The following CCBE1 variants were observed in gnomAD, a reference collection of about 807,000 sequenced individuals.
The protein encoded by CCBE1 is collagen and calcium binding EGF domains 1, also known as collagen and calcium-binding EGF domain-containing protein 1.
In CCBE1, 37 loss-of-function variants were observed where a neutral mutation model predicts 50.0. That is an observed-to-expected ratio of 0.74 (90% CI 0.57 to 0.97). The LOEUF (loss-of-function observed/expected upper bound fraction) is 0.97. CCBE1 is among the 50% of genes least tolerant of loss of function. CCBE1 has a pLI of 0.00. For missense variants in CCBE1, 538 were observed against 523.8 expected (o/e 1.03, Z -0.26); for synonymous variants, 234 against 203.7 (o/e 1.15, Z -1.27).
rs1481468013 is a variant in CCBE1 at position 59,552,457 on chromosome 18, C to G, written c.213-72219G>C. ...TCCAGCTTTTGTCAAGATTATATGT[C>G]TTAACAAAGACTTTCCTCCCACTAG... On this transcript the variant is annotated intron_variant, in intron 2 of 10. Transcript: ENST00000439986. Among the ~76,000 whole-genome samples, 3 of 152,170 alleles carry G rather than the reference C, an allele frequency of 2.0e-5. No homozygotes were observed. The South Asian group carries it at 6.2e-4, about 31-fold the overall frequency.
chr18:59,600,390 A>G (rs1270037522), intron 2 of CCBE1, among the ~76,000 whole-genome samples: 3 of 152,130 alleles, frequency 2.0e-5, no homozygotes, highest in Admixed American at 1.3e-4. Flanking sequence ...ATGATTCTAC[A>G]TTATGGTGAG....
intron 2 of CCBE1, among the ~76,000 whole-genome samples, chr18:59,579,322 A>T (rs1330051423): frequency 6.6e-6 from 1 of 152,138 alleles, no homozygotes; most frequent in African/African-American, 2.4e-5. Flanking sequence ...CAGGACGTGG[A>T]TCATGCACCT....
Position 59,693,003 on chromosome 18 carries a change from C to CAAAA in CCBE1, c.212+3625_212+3626insTTTT, listed in dbSNP as rs1555710565. On this transcript the variant is annotated intron_variant, in intron 2 of 10. Coordinates refer to ENST00000439986, the MANE Select transcript of CCBE1 (RefSeq NM_133459.4). ...ACACACACACACACACACACACACA[C>CAAAA]AAACAAAAAACGCAAAGCCAAACCT... 5.1e-4 allele frequency among the ~76,000 whole-genome samples: 75 copies of CAAAA among 146,076 alleles called. 1 individual carries two copies. Among genetic ancestry groups the CAAAA allele is most frequent in the African/African-American group, 1.8e-3 (70 of 38,678 alleles).
chr18:59,573,406 G>C (rs2052947525), intron 2 of CCBE1, among the ~76,000 whole-genome samples: 1 of 150,864 alleles, frequency 6.6e-6, no homozygotes, highest in Admixed American at 6.6e-5. Context: ...CACAAAATCT[G>C]CCTGTGTTTC....
chr18:59,643,077 A>G (rs4599010), intron 2 of CCBE1, among the ~76,000 whole-genome samples: 68,690 of 151,936 alleles, frequency 0.45, 17,192 homozygotes, highest in Non-Finnish European at 0.56. Flanking sequence ...TGGATGGCTG[A>G]GTGGATGGTA....
chr18:59,451,385 A>G (rs1369516518), intron 6 of CCBE1, among the ~76,000 whole-genome samples: 2 of 144,864 alleles, frequency 1.4e-5, no homozygotes, highest in East Asian at 4.1e-4. Context: ...CTCTGCAGCA[A>G]TTTCACTCTC....
At chr18:59,619,789 T>C (rs1016668168) in intron 2 of CCBE1, among the ~76,000 whole-genome samples, 4 of 152,204 alleles carry the variant, frequency 2.6e-5, no homozygotes, top group African/African-American at 9.7e-5. Flanking sequence ...TTTTTTAAAC[T>C]CCTCTTGTTT....
intron 2 of CCBE1, among the ~76,000 whole-genome samples, chr18:59,593,516 C>G (rs906613167): frequency 2.0e-5 from 3 of 152,226 alleles, no homozygotes; most frequent in Non-Finnish European, 4.4e-5. Flanking sequence ...TCTCCATTGC[C>G]ATCCTCCTTC....
chr18:59,555,954 C>T (rs2052650792), intron 2 of CCBE1, among the ~76,000 whole-genome samples: 1 of 152,212 alleles, frequency 6.6e-6, no homozygotes, highest in Non-Finnish European at 1.5e-5. Flanking sequence ...CGGAGGGAAG[C>T]TGTGCTATAT....
Position 59,611,757 on chromosome 18 carries a change from TAAAA to T in CCBE1, c.212+84868_212+84871del, listed in dbSNP as rs549035633. On this transcript the variant is annotated intron_variant, in intron 2 of 10. Coordinates refer to ENST00000439986, the MANE Select transcript of CCBE1 (RefSeq NM_133459.4). ...TGCAACTCTGTCTTAAAAAAAAAAA[TAAAA>T]AAAGGAAGCATTTTTCTGTATACCA... is the stretch of plus-strand genomic sequence containing the variant. 2.0e-5 allele frequency among the ~76,000 whole-genome samples: 3 copies of T among 150,810 alleles called. No individual in the cohort carries two copies. In the South Asian group the frequency reaches 6.3e-4, roughly 32 times the overall value.
intron 2 of CCBE1, among the ~76,000 whole-genome samples, chr18:59,561,968 T>A (rs1321696725): frequency 6.6e-6 from 1 of 152,182 alleles, no homozygotes; most frequent in African/African-American, 2.4e-5. Flanking sequence ...GTGTTCTTTC[T>A]GCTCACCCAC....
chr18:59,658,812 G>A (rs1340136026), intron 2 of CCBE1, among the ~76,000 whole-genome samples: 3 of 145,406 alleles, frequency 2.1e-5, no homozygotes. Context: ...CCCGGGCAGT[G>A]GAGTTTGCAG....
At chr18:59,578,320 G>A (rs938561148) in intron 2 of CCBE1, among the ~76,000 whole-genome samples, 1 of 152,200 alleles carries the variant, frequency 6.6e-6, no homozygotes, top group African/African-American at 2.4e-5. Context: ...AGGATGTGGA[G>A]AAATAGAAAT....
chr18:59,609,041 A>T (rs180729237), intron 2 of CCBE1, among the ~76,000 whole-genome samples: 12 of 152,308 alleles, frequency 7.9e-5, no homozygotes, highest in Non-Finnish European at 1.8e-4. Context: ...GACTTGTCAT[A>T]TGTGCATCTG....
rs547992276 is a variant in CCBE1, at chr18:59,556,133, C to T, written c.213-75895G>A. On this transcript the variant is annotated intron_variant, in intron 2 of 10. Transcript: ENST00000439986. The stretch of plus-strand genomic sequence containing the variant: ...CTCCTTCCTGATATCCAGCCTCCAG[C>T]TTGGTTCCTGCCGTGCATGACACCT... Among the ~76,000 whole-genome samples, 31 of 152,300 alleles carry T rather than the reference C, an allele frequency of 2.0e-4. No homozygotes were observed. In the East Asian group the frequency reaches 6.0e-3, roughly 29 times the overall value.
rs542617097 is a variant in CCBE1 at position 59,487,029 on chromosome 18, G to A, written c.213-6791C>T. Among the ~76,000 whole-genome samples, 4 of 151,104 alleles carry A rather than the reference G, an allele frequency of 2.6e-5. No individual in the cohort carries two copies. In the East Asian group the frequency reaches 7.8e-4, roughly 29 times the overall value. ...GGCCTCTAGTAGATAATCCTGGTCA[G>A]GCACACAGAAGTCCCAAATGTTTTT... On this transcript the variant is annotated intron_variant, in intron 2 of 10. Transcript: ENST00000439986.
At position 59,448,074 on chromosome 18, in the gene CCBE1, G is replaced by GA. The variant is rs563023244; in HGVS notation, c.683_684insT (p.Leu229ProfsTer8). The GA allele has an allele frequency of 8.2e-5, 133 of 1,614,034 alleles. No individual in the cohort carries two copies. Among genetic ancestry groups the GA allele is most frequent in the Non-Finnish European group, 1.1e-4 (127 of 1,180,058 alleles). On this transcript the variant is annotated frameshift_variant, in exon 7 of 11. Transcript: ENST00000439986. LOFTEE classifies it high-confidence loss of function. The stretch of plus-strand genomic sequence containing the variant: ...TGTCACCAGTGATATACTTGCCCAG[G>GA]TCAGCTGCATTGTTGGGGAGCAGAG...
intron 2 of CCBE1, among the ~76,000 whole-genome samples, chr18:59,502,762 G>T (rs888303255): frequency 6.6e-6 from 1 of 152,112 alleles, no homozygotes; most frequent in Non-Finnish European, 1.5e-5. Context: ...ATGTCAGAGC[G>T]GAGCTTTAAG....
intron 2 of CCBE1, chr18:59,563,856 G>C (rs536805526): frequency 6.6e-6 from 1 of 152,336 alleles, no homozygotes; most frequent in Admixed American, 6.5e-5. Flanking sequence ...GCATTGGCTG[G>C]GCAAGCTGGG....
Sources: gnomAD v4.1 joint callset for allele counts (sites outside exome capture counted in the v4.1 genomes callset) on GRCh38, gnomAD v4.1.1 for gene constraint, MANE v1.5 for transcripts, NCBI Gene and HGNC (gene_info 2026-07-23, HGNC 2026-07-21) for gene names.